KCNIP1: variants seen among roughly 807,000 people sequenced by gnomAD.
The protein encoded by KCNIP1 is A-type potassium channel modulatory protein KCNIP1.
KCNIP1 carries 18 observed loss-of-function variants against 33.0 expected under a neutral mutation model. That is an observed-to-expected ratio of 0.55 (90% confidence interval 0.38 to 0.81). KCNIP1 has a LOEUF of 0.81. Ranked by LOEUF, KCNIP1 falls within the 30% of genes least tolerant of loss-of-function variation. The probability of loss-of-function intolerance (pLI) is 0.00; values close to 1 mark genes in which losing one functional copy is unlikely to be tolerated. For synonymous variants in KCNIP1, 93 were observed against 98.3 expected, an observed-to-expected ratio of 0.95 and a Z score of 0.32; for missense variants, 238 against 271.6, an observed-to-expected ratio of 0.88 and a Z score of 0.87.
chr5:170,438,402 T>C (rs891989844), intron 1 of KCNIP1, among the ~76,000 whole-genome samples: 1 of 152,206 alleles, frequency 6.6e-6, no homozygotes, highest in Non-Finnish European at 1.5e-5. Context: ...TCTCCTGTCC[T>C]AGGCTGAGGA....
intron 1 of KCNIP1, among the ~76,000 whole-genome samples, chr5:170,593,631 G>A (rs1758342576): frequency 6.6e-6 from 1 of 152,236 alleles, no homozygotes; most frequent in Non-Finnish European, 1.5e-5. Context: ...GAGAATTTAA[G>A]AGGTATTTAG....
At chr5:170,624,824 C>T (rs1453318106) in intron 1 of KCNIP1, among the ~76,000 whole-genome samples, 1 of 151,898 alleles carries the variant, frequency 6.6e-6, no homozygotes, top group Non-Finnish European at 1.5e-5. Context: ...TTTCCTTCCT[C>T]ACCATCCTTA....
chr5:170,470,673 C>T (rs569503805), intron 1 of KCNIP1, among the ~76,000 whole-genome samples: 1 of 152,230 alleles, frequency 6.6e-6, no homozygotes, highest in Admixed American at 6.5e-5. Flanking sequence ...GTTGGTTTGG[C>T]CTAAAAAGGC....
At chr5:170,382,655 CTTT>C (rs5873227) in intron 1 of KCNIP1, 11,652 of 129,216 alleles carry the variant, frequency 0.09, 439 homozygotes, top group Admixed American at 0.13. Context: ...AAGAGCCTTT[CTTT>C]TTTTTTTTTT....
At chr5:170,724,109 G>A (rs1763927186) in intron 5 of KCNIP1, among the ~76,000 whole-genome samples, 1 of 152,132 alleles carries the variant, frequency 6.6e-6, no homozygotes, top group South Asian at 2.1e-4. Flanking sequence ...AAAAGAATCA[G>A]AAAATCTGAC....
At chr5:170,551,997 G>A (rs912879280) in intron 1 of KCNIP1, among the ~76,000 whole-genome samples, 19 of 148,570 alleles carry the variant, frequency 1.3e-4, no homozygotes, top group South Asian at 6.4e-4. Flanking sequence ...TGTTGTGTGC[G>A]TATGTGTGTG....
intron 1 of KCNIP1, among the ~76,000 whole-genome samples, chr5:170,524,012 C>T (rs1200805703): frequency 6.6e-6 from 1 of 152,216 alleles, no homozygotes; most frequent in Non-Finnish European, 1.5e-5. Flanking sequence ...CCCCCCAGTC[C>T]TCCGGCACAG....
At chr5:170,522,486 T>A (rs2113311373) in intron 1 of KCNIP1, among the ~76,000 whole-genome samples, 1 of 152,352 alleles carries the variant, frequency 6.6e-6, no homozygotes, top group Non-Finnish European at 1.5e-5. Context: ...GTGGTTTATA[T>A]GTTGGTCACA....
rs1446407824 is a variant in KCNIP1, at chr5:170,536,548, G to C, written c.61+31915G>C. 4.6e-5 allele frequency among the ~76,000 whole-genome samples: 7 copies of C among 152,060 alleles called. No homozygotes were observed. The East Asian group carries it at 1.3e-3, about 29-fold the overall frequency. ...TTCTAGCTCCACCCTCCCCAAAGAG[G>C]AAACAAAGGAAGGCAAACATATTCC... On this transcript the variant is annotated intron_variant, in intron 1 of 7. Transcript: ENST00000328939.
chr5:170,539,296 T>C (rs1284732209), intron 1 of KCNIP1, among the ~76,000 whole-genome samples: 1 of 152,158 alleles, frequency 6.6e-6, no homozygotes, highest in Admixed American at 6.5e-5. Context: ...AGCATGAAAC[T>C]GGGACATTTC....
At chr5:170,670,630 C>T (rs1427757865) in intron 1 of KCNIP1, among the ~76,000 whole-genome samples, 6 of 152,272 alleles carry the variant, frequency 3.9e-5, no homozygotes, top group South Asian at 2.1e-4. Context: ...CAGTGGCTCA[C>T]GCCTGTAATC....
At chr5:170,485,166 C>G (rs1757061744) in intron 1 of KCNIP1, among the ~76,000 whole-genome samples, 1 of 152,128 alleles carries the variant, frequency 6.6e-6, no homozygotes, top group African/African-American at 2.4e-5. Flanking sequence ...TCTCAAGCTC[C>G]CGACCTCAGG....
chr5:170,538,207 G>A (rs779164353), intron 1 of KCNIP1, among the ~76,000 whole-genome samples: 3 of 152,258 alleles, frequency 2.0e-5, no homozygotes, highest in Admixed American at 6.5e-5. Flanking sequence ...CTGAGTACAC[G>A]TGCTTGAACT....
rs1006784358 is a variant in KCNIP1, at chr5:170,669,460, TAG to T, written c.62-49295_62-49294del. 28 of 917,596 alleles carry T rather than the reference TAG, an allele frequency of 3.1e-5. No homozygotes were observed. The African/African-American group carries it at 4.7e-4, about 15-fold the overall frequency. The allele number at this position is 917,596 out of a possible 1,614,324, so 56.8% of individuals were successfully genotyped here. On this transcript the variant is annotated intron_variant, in intron 1 of 7. Transcript: ENST00000328939. ...GCTACATAGAATGTATTTAAAGTAA[TAG>T]AGTGGTATTTAATAAATATTCATTT...
At chr5:170,523,447 G>A (rs765558787) in intron 1 of KCNIP1, among the ~76,000 whole-genome samples, 6 of 152,292 alleles carry the variant, frequency 3.9e-5, no homozygotes, top group East Asian at 1.9e-4. Flanking sequence ...GCAGGGTTCC[G>A]GAACTGCAGC....
chr5:170,647,772 G>C (rs1227346121), intron 1 of KCNIP1, among the ~76,000 whole-genome samples: 3 of 152,066 alleles, frequency 2.0e-5, no homozygotes, highest in African/African-American at 7.2e-5. Flanking sequence ...AAATAATTGA[G>C]AAGTTGGAAT....
At chr5:170,675,701 CTG>C (rs1762107526) in intron 1 of KCNIP1, among the ~76,000 whole-genome samples, 1 of 152,230 alleles carries the variant, frequency 6.6e-6, no homozygotes, top group African/African-American at 2.4e-5. Flanking sequence ...AAGGAGAAAA[CTG>C]TGCAGAGCCC....
At chr5:170,686,240 A>G (rs535430583) in intron 1 of KCNIP1, among the ~76,000 whole-genome samples, 1 of 152,330 alleles carries the variant, frequency 6.6e-6, no homozygotes, top group East Asian at 1.9e-4. Flanking sequence ...CTCTCTCCAG[A>G]GAGAAAGGAG....
chr5:170,550,441 G>T (rs753592004), intron 1 of KCNIP1, among the ~76,000 whole-genome samples: 1 of 152,070 alleles, frequency 6.6e-6, no homozygotes, highest in Admixed American at 6.5e-5. Flanking sequence ...GATTATGATG[G>T]TGATGATGAT....
Sources: gnomAD v4.1 joint callset for allele counts (sites outside exome capture counted in the v4.1 genomes callset) on GRCh38, gnomAD v4.1.1 for gene constraint, MANE v1.5 for transcripts, NCBI Gene and HGNC (gene_info 2026-07-23, HGNC 2026-07-21) for gene names.